CDC14B: variants seen among roughly 807,000 people sequenced by gnomAD.
CDC14B encodes the protein dual specificity protein phosphatase CDC14B.
CDC14B carries 22 observed loss-of-function variants against 64.2 expected under a neutral mutation model. The observed-to-expected ratio is 0.34, with a 90% CI of 0.24 to 0.49. The LOEUF is 0.49. Ranked by LOEUF, CDC14B falls within the 20% of genes least tolerant of loss-of-function variation. The pLI is 0.99. For synonymous variants in CDC14B, 191 were observed against 215.8 expected, an observed-to-expected ratio of 0.89 and a Z score of 1.01; for missense variants, 498 against 629.9, an observed-to-expected ratio of 0.79 and a Z score of 2.24.
At chr9:96,540,589 G>T (rs905009487) in intron 6 of CDC14B, among the ~76,000 whole-genome samples, 1 of 151,402 alleles carries the variant, frequency 6.6e-6, no homozygotes, top group Non-Finnish European at 1.5e-5. Context: ...TTGACTTTGG[G>T]TGCAATACCC....
intron 1 of CDC14B, among the ~76,000 whole-genome samples, chr9:96,610,040 T>C (rs572195594): frequency 1.2e-4 from 18 of 152,068 alleles, no homozygotes; most frequent in Non-Finnish European, 2.4e-4. Flanking sequence ...TTAAAGAAGC[T>C]GTATAAAAGA....
chr9:96,513,704 G>GTATA (rs1467857410), intron 12 of CDC14B, among the ~76,000 whole-genome samples: 1 of 152,240 alleles, frequency 6.6e-6, no homozygotes, highest in African/African-American at 2.4e-5. Context: ...TATGCACTAT[G>GTATA]TATACTGGCT....
intron 1 of CDC14B, among the ~76,000 whole-genome samples, chr9:96,601,000 A>T (rs74339222): frequency 0.029 from 4,449 of 152,242 alleles, 196 homozygotes; most frequent in African/African-American, 0.1. Flanking sequence ...AAAAAAAGAT[A>T]TCCATGTTTA....
chr9:96,503,942 A>G (rs948967078), intron 13 of CDC14B, among the ~76,000 whole-genome samples, 153 bp from the exon 14 acceptor site: 1 of 152,200 alleles, frequency 6.6e-6, no homozygotes, highest in Non-Finnish European at 1.5e-5. Flanking sequence ...TTTGGAGAAG[A>G]CAACACAATA....
intron 1 of CDC14B, among the ~76,000 whole-genome samples, chr9:96,612,256 C>G (rs1342387402): frequency 1.3e-5 from 2 of 152,250 alleles, no homozygotes; most frequent in African/African-American, 4.8e-5. Context: ...TGCATTTCCA[C>G]TGTGCTGATT....
At chr9:96,528,026 A>G (rs1020955196) in intron 9 of CDC14B, among the ~76,000 whole-genome samples, 1 of 152,238 alleles carries the variant, frequency 6.6e-6, no homozygotes, top group South Asian at 2.1e-4. Flanking sequence ...GATTCATACA[A>G]TATCTGTCCT....
chr9:96,512,845 C>CT (rs75737532), intron 12 of CDC14B, among the ~76,000 whole-genome samples: 30,590 of 147,400 alleles, frequency 0.21, 3,204 homozygotes, highest in East Asian at 0.3. Context: ...CTCCTGTTGG[C>CT]TTTTTTTTTT....
At chr9:96,566,158 T>C (rs1212218550) in intron 1 of CDC14B, among the ~76,000 whole-genome samples, 2 of 152,104 alleles carry the variant, frequency 1.3e-5, no homozygotes, top group Non-Finnish European at 2.9e-5. Flanking sequence ...TGGTAATGAG[T>C]AGTAAGGCTC....
chr9:96,592,715 T>C lies in CDC14B; in HGVS notation c.160+26504A>G, dbSNP rs138868651. Among the ~76,000 whole-genome samples the C allele has an allele frequency of 1.4e-3, 220 of 152,094 alleles. 2 individuals carry two copies. Among genetic ancestry groups the C allele is most frequent in the East Asian group, 0.014 (70 of 5,158 alleles). On this transcript the variant is annotated intron_variant, in intron 1 of 13. Transcript: ENST00000375241. Reference sequence around the variant, plus strand: ...TTGAACCTGGGAGGTGGAGGTTGCATTGAGCCAAGATCGCGCCACTGCAGT... The same window carrying C: ...TTGAACCTGGGAGGTGGAGGTTGCACTGAGCCAAGATCGCGCCACTGCAGT...
chr9:96,610,406 G>C (rs1038766889), intron 1 of CDC14B, among the ~76,000 whole-genome samples: 3 of 152,066 alleles, frequency 2.0e-5, no homozygotes, highest in African/African-American at 7.2e-5. Context: ...CAGCATGTTA[G>C]CCAGGATGGT....
At chr9:96,526,844 C>G (rs1352895702) in intron 9 of CDC14B, among the ~76,000 whole-genome samples, 1 of 152,052 alleles carries the variant, frequency 6.6e-6, no homozygotes, top group African/African-American at 2.4e-5. Flanking sequence ...GGTACCCAAC[C>G]CCCAAAAAAG....
intron 13 of CDC14B, among the ~76,000 whole-genome samples, chr9:96,507,419 G>A (rs1031568200): frequency 6.7e-6 from 1 of 150,062 alleles, no homozygotes. Context: ...CTTTTTATTT[G>A]ATTTTTTTTT....
At chr9:96,561,853 A>G (rs1237383141) in intron 4 of CDC14B, among the ~76,000 whole-genome samples, 6 of 151,896 alleles carry the variant, frequency 4.0e-5, no homozygotes, top group Non-Finnish European at 7.4e-5. Flanking sequence ...TGGGGGTGGA[A>G]GAAACATCCC....
downstream of CDC14B, chr9:96,500,019 A>G (rs1231732176): frequency 6.6e-6 from 1 of 152,666 alleles, no homozygotes; most frequent in African/African-American, 2.4e-5. Context: ...TAGAAAACTT[A>G]CACAGATTCC....
At chr9:96,577,895 C>CT (rs1234078665) in intron 1 of CDC14B, among the ~76,000 whole-genome samples, 5 of 152,166 alleles carry the variant, frequency 3.3e-5, no homozygotes, top group Non-Finnish European at 7.3e-5. Context: ...TGGGAACTTA[C>CT]TTACAATGGA....
chr9:96,515,810 G>C lies in CDC14B; in HGVS notation c.1344-6021C>G, dbSNP rs1444684625. The C allele has an allele frequency of 6.4e-7, 1 of 1,568,226 alleles. No homozygotes were observed. The highest frequency in any genetic ancestry group is 2.3e-5 in the East Asian group (1 of 42,906). On this transcript the variant is annotated intron_variant, in intron 12 of 13. Coordinates refer to ENST00000375241, the MANE Select transcript of CDC14B (RefSeq NM_033331.4). The surrounding 1 kb of genome is among the most constrained non-coding windows in gnomAD (Gnocchi z 4.3). ...GGGGACATCTGGAAAGGGGTGAAGG[G>C]GAAAGAACAGATGTTCAAATTGGGA...
intron 2 of CDC14B, 73 bp from the exon 3 acceptor site, chr9:96,564,925 C>A: frequency 1.0e-6 from 1 of 954,598 alleles, no homozygotes; most frequent in Non-Finnish European, 1.6e-6. Context: ...TTTGGGTCTA[C>A]AAGATCAAAT....
chr9:96,515,839 CA>C lies in CDC14B; in HGVS notation c.1344-6051del. 1.3e-6 allele frequency: 2 copies of C among 1,507,622 alleles called. No individual in the cohort carries two copies. The highest frequency in any genetic ancestry group is 2.5e-5 in the East Asian group (1 of 39,648). The allele number at this position is 1,507,622 out of a possible 1,614,324, so 93.4% of individuals were successfully genotyped here. On this transcript the variant is annotated intron_variant, in intron 12 of 13. Coordinates refer to ENST00000375241, the MANE Select transcript of CDC14B (RefSeq NM_033331.4). This position sits in a 1 kb window ranked among gnomAD's most constrained non-coding sequence, Gnocchi z 4.3. Reference sequence around the variant, plus strand: ...AGAACAGATGTTCAAATTGGGAAGCCAAAATAAATTACGCAATCATCAATCA... The same window carrying C: ...AGAACAGATGTTCAAATTGGGAAGCCAAATAAATTACGCAATCATCAATCA...
At chr9:96,514,759 G>A (rs1427550467) in intron 12 of CDC14B, 11 of 985,334 alleles carry the variant, frequency 1.1e-5, no homozygotes, top group Non-Finnish European at 1.3e-5. Flanking sequence ...GAAGGGTGGC[G>A]GTGGACCCCG....
Sources: gnomAD v4.1 joint callset for allele counts (sites outside exome capture counted in the v4.1 genomes callset) on GRCh38, gnomAD v4.1.1 for gene constraint, Gnocchi (gnomAD v3.1) non-coding constraint, MANE v1.5 for transcripts, NCBI Gene and HGNC (gene_info 2026-07-23, HGNC 2026-07-21) for gene names.